The following DAB2IP variants were observed in gnomAD, a reference collection of about 807,000 sequenced individuals.
DAB2IP encodes disabled homolog 2-interacting protein.
In DAB2IP, 28 loss-of-function variants were observed where a neutral mutation model predicts 107.2. That is an observed-to-expected ratio of 0.26 (90% CI 0.19 to 0.36). The LOEUF is 0.36. DAB2IP is among the 10% of genes least tolerant of loss of function. The pLI is 1.00. For synonymous variants in DAB2IP, 755 were observed against 706.4 expected, an observed-to-expected ratio of 1.07 and a Z score of -1.09; for missense variants, 1,400 against 1,644.7, an observed-to-expected ratio of 0.85 and a Z score of 2.57.
chr9:121,617,029 C>T (rs1831303257), intron 1 of DAB2IP, among the ~76,000 whole-genome samples: 2 of 152,084 alleles, frequency 1.3e-5, no homozygotes, highest in Admixed American at 6.5e-5. Flanking sequence ...TTATCTGTTC[C>T]GTGAATAAAA....
intron 2 of DAB2IP, among the ~76,000 whole-genome samples, chr9:121,695,088 C>G (rs896588506): frequency 6.6e-6 from 1 of 152,122 alleles, no homozygotes; most frequent in Admixed American, 6.5e-5. Context: ...GCCCTGCCTG[C>G]CCCGTGCACT....
At chr9:121,771,423 G>C (rs1834722051) in intron 11 of DAB2IP, among the ~76,000 whole-genome samples, 1 of 152,134 alleles carries the variant, frequency 6.6e-6, no homozygotes, top group African/African-American at 2.4e-5. Flanking sequence ...TTGGGAGTGT[G>C]GTCTCCCCCA....
intron 3 of DAB2IP, among the ~76,000 whole-genome samples, chr9:121,714,724 T>C (rs901063884): frequency 2.0e-5 from 3 of 152,218 alleles, no homozygotes; most frequent in Non-Finnish European, 4.4e-5. Flanking sequence ...GAAGTGCAAT[T>C]GTCCTACAGG....
At position 121,615,390 on chromosome 9, in the gene DAB2IP, C is replaced by T. The variant is rs897657949; in HGVS notation, c.40+48162C>T. ...TTGGAATGCCTATTGATAAGCTTTG[C>T]GACACTCCTGGAGAGGTGGCGTTGT... On this transcript the variant is annotated intron_variant, in intron 1 of 16. Transcript: ENST00000259371. 3.3e-5 allele frequency among the ~76,000 whole-genome samples: 5 copies of T among 152,116 alleles called. No homozygotes were observed. In the East Asian group the frequency reaches 7.7e-4, roughly 23 times the overall value.
At chr9:121,580,847 A>G (rs992280542) in intron 1 of DAB2IP, among the ~76,000 whole-genome samples, 14 of 152,072 alleles carry the variant, frequency 9.2e-5, no homozygotes, top group East Asian at 1.9e-4. Context: ...GGATGGTCTC[A>G]ATCTCCTGAC....
At chr9:121,578,527 T>A in intron 1 of DAB2IP, among the ~76,000 whole-genome samples, 1 of 151,666 alleles carries the variant, frequency 6.6e-6, no homozygotes, top group Non-Finnish European at 1.5e-5. Context: ...GGATTTTTGC[T>A]TCAGTTCTCC....
chr9:121,667,502 T>G (rs922698506), intron 1 of DAB2IP, among the ~76,000 whole-genome samples: 5 of 152,038 alleles, frequency 3.3e-5, no homozygotes, highest in African/African-American at 1.2e-4. Context: ...TTCTTTTTCT[T>G]TTTTTTAGAC....
intron 1 of DAB2IP, among the ~76,000 whole-genome samples, chr9:121,611,589 T>C (rs2118976366): frequency 6.6e-6 from 1 of 152,276 alleles, no homozygotes; most frequent in African/African-American, 2.4e-5. Flanking sequence ...ATTATTATTA[T>C]TTTTTAATTT....
intron 1 of DAB2IP, among the ~76,000 whole-genome samples, chr9:121,677,962 T>A (rs1398763431): frequency 6.6e-6 from 1 of 152,072 alleles, no homozygotes; most frequent in African/African-American, 2.4e-5. Flanking sequence ...GTGCCAGGCC[T>A]TTTTCCCCCC....
chr9:121,637,218 T>G (rs139011965), intron 1 of DAB2IP, among the ~76,000 whole-genome samples: 169 of 152,322 alleles, frequency 1.1e-3, no homozygotes, highest in Non-Finnish European at 2.2e-3. Context: ...ACCTTTTCCC[T>G]CTGAAGGCTT....
At chr9:121,783,289 A>G (rs1835788874) in exon 16 of DAB2IP, 16 of 1,389,940 alleles carry the variant, frequency 1.2e-5, no homozygotes, top group Non-Finnish European at 1.5e-5. Context: ...ACACAGGCCC[A>G]GGCTGATGCT....
At position 121,699,661 on chromosome 9, in the gene DAB2IP, G is replaced by A. The variant is rs999431109; in HGVS notation, c.362+203G>A. Among the ~76,000 whole-genome samples the A allele has an allele frequency of 2.0e-5, 3 of 152,020 alleles. No homozygotes were observed. The highest frequency in any genetic ancestry group is 6.5e-5 in the Admixed American group (1 of 15,286). ...GACCCTGTGCCTCCCTCCGGGGTTA[G>A]GTGAGTAGAAGAGAGGAGAGCAGAG... is the stretch of plus-strand genomic sequence containing the variant. On this transcript the variant is annotated intron_variant, in intron 3 of 15. Transcript: ENST00000408936. This position sits in a 1 kb window ranked among gnomAD's most constrained non-coding sequence, Gnocchi z 6.2.
intron 8 of DAB2IP, 88 bp downstream of exon 8, chr9:121,763,967 C>T (rs1834078709): frequency 5.2e-6 from 8 of 1,550,100 alleles, no homozygotes; most frequent in Non-Finnish European, 7.0e-6. Flanking sequence ...CTGATGCTGC[C>T]TGGCCCCTGA....
intron 6 of DAB2IP, among the ~76,000 whole-genome samples, chr9:121,761,495 C>T (rs1587974070): frequency 6.6e-6 from 1 of 152,314 alleles, no homozygotes; most frequent in African/African-American, 2.4e-5. Flanking sequence ...GCACAAGACT[C>T]GTGGAGGTCC....
At chr9:121,600,007 T>C (rs761444875) in intron 1 of DAB2IP, among the ~76,000 whole-genome samples, 7 of 152,018 alleles carry the variant, frequency 4.6e-5, no homozygotes, top group Non-Finnish European at 7.4e-5. Flanking sequence ...TGCCCAGATC[T>C]CGACCGCCGG....
intron 1 of DAB2IP, among the ~76,000 whole-genome samples, chr9:121,606,876 G>A (rs1830898495): frequency 6.6e-6 from 1 of 151,806 alleles, no homozygotes; most frequent in Non-Finnish European, 1.5e-5. Flanking sequence ...CTGGGTTCAT[G>A]CAGTTCTCCT....
rs1332964664 is a variant in DAB2IP, at chr9:121,633,062, G to A, written c.41-45616G>A. Among the ~76,000 whole-genome samples, 2 of 152,200 alleles carry A rather than the reference G, an allele frequency of 1.3e-5. No individual in the cohort carries two copies. The highest frequency in any genetic ancestry group is 2.9e-5 in the Non-Finnish European group (2 of 68,038). ...CGGGCAGTGGGAGCCCACTGATGCC[G>A]GAGAATAAATTTGCTGTTTTGTAGA... On this transcript the variant is annotated intron_variant, in intron 1 of 16. Transcript: ENST00000259371. The surrounding 1 kb of genome is among the most constrained non-coding windows in gnomAD (Gnocchi z 5.1).
At chr9:121,598,943 G>C (rs1163950942) in intron 1 of DAB2IP, among the ~76,000 whole-genome samples, 1 of 152,176 alleles carries the variant, frequency 6.6e-6, no homozygotes, top group East Asian at 1.9e-4. Context: ...AGACGTTCGC[G>C]GGACGTTCCC....
At chr9:121,645,041 AC>A (rs35420756) in intron 1 of DAB2IP, among the ~76,000 whole-genome samples, 1 of 152,014 alleles carries the variant, frequency 6.6e-6, no homozygotes, top group East Asian at 1.9e-4. Context: ...ACCATATGCC[AC>A]CCCCTCTGGT....
Sources: allele counts gnomAD v4.1 joint callset (sites outside exome capture counted in the v4.1 genomes callset), GRCh38; gene constraint gnomAD v4.1.1; non-coding constraint Gnocchi (gnomAD v3.1); transcripts MANE v1.5; gene names NCBI Gene and HGNC (gene_info 2026-07-23, HGNC 2026-07-21).